Variants in GPC5 observed in about 807,000 individuals in gnomAD.
GPC5 encodes the protein glypican-5.
Under a neutral mutation model 53.9 loss-of-function variants are expected in GPC5, and 47 were observed. The observed-to-expected ratio is 0.87, with a 90% CI of 0.69 to 1.11. The LOEUF (loss-of-function observed/expected upper bound fraction) is 1.11, where lower values mean the gene tolerates loss of function less well. Among genes scored for constraint, GPC5 ranks in the 50% most tolerant of loss-of-function variants. GPC5 has a pLI of 0.00. For synonymous variants in GPC5, 286 were observed against 263.3 expected, an observed-to-expected ratio of 1.09 and a Z score of -0.84; for missense variants, 748 against 713.1, an observed-to-expected ratio of 1.05 and a Z score of -0.56.
intron 6 of GPC5, among the ~76,000 whole-genome samples, chr13:91,928,188 C>T (rs1234626093): frequency 6.6e-6 from 1 of 152,174 alleles, no homozygotes; most frequent in East Asian, 1.9e-4. Flanking sequence ...TCTCTGCATG[C>T]ATCAGCCACT....
chr13:92,002,581 A>G (rs2040565064), intron 6 of GPC5, among the ~76,000 whole-genome samples: 1 of 152,216 alleles, frequency 6.6e-6, no homozygotes, highest in Non-Finnish European at 1.5e-5. Flanking sequence ...AAGACTGGAA[A>G]CATAAGGGAT....
At chr13:92,624,088 T>C (rs1451947607) in intron 7 of GPC5, among the ~76,000 whole-genome samples, 3 of 151,278 alleles carry the variant, frequency 2.0e-5, no homozygotes, top group South Asian at 2.1e-4. Flanking sequence ...TAATTTTTTT[T>C]TTTTTAGATG....
At chr13:92,529,853 C>T (rs746165708) in intron 7 of GPC5, among the ~76,000 whole-genome samples, 9 of 152,016 alleles carry the variant, frequency 5.9e-5, no homozygotes, top group African/African-American at 2.2e-4. Flanking sequence ...GAGGCCGAGG[C>T]GGGGGCATCA....
At chr13:92,579,317 C>G (rs1416673213) in intron 7 of GPC5, among the ~76,000 whole-genome samples, 1 of 119,982 alleles carries the variant, frequency 8.3e-6, no homozygotes, top group African/African-American at 3.4e-5. Context: ...CTCCCTCCCT[C>G]CCTCCCTCTC....
At chr13:92,606,342 G>A (rs1884260556) in intron 7 of GPC5, among the ~76,000 whole-genome samples, 1 of 152,026 alleles carries the variant, frequency 6.6e-6, no homozygotes, top group Non-Finnish European at 1.5e-5. Flanking sequence ...GTGGTGTTTG[G>A]TTTTCTGTCT....
intron 1 of GPC5, among the ~76,000 whole-genome samples, chr13:91,424,138 G>A (rs1042291750): frequency 6.6e-6 from 1 of 152,114 alleles, no homozygotes; most frequent in Non-Finnish European, 1.5e-5. Context: ...TAATCAGGAA[G>A]TGGAACTCTT....
At chr13:91,711,377 T>G (rs1238477487) in intron 3 of GPC5, among the ~76,000 whole-genome samples, 1 of 152,046 alleles carries the variant, frequency 6.6e-6, no homozygotes, top group African/African-American at 2.4e-5. Context: ...ACACCTCATG[T>G]TCTCACTCAT....
intron 6 of GPC5, among the ~76,000 whole-genome samples, chr13:91,982,885 G>A (rs2040372317): frequency 6.6e-6 from 1 of 151,998 alleles, no homozygotes; most frequent in Admixed American, 6.6e-5. Context: ...TCCGAGTCAG[G>A]GTAACCTTTA....
intron 7 of GPC5, among the ~76,000 whole-genome samples, chr13:92,640,297 T>C (rs1227006072): frequency 6.6e-6 from 1 of 152,154 alleles, no homozygotes; most frequent in Non-Finnish European, 1.5e-5. Flanking sequence ...TCTTGCTCTG[T>C]CACCCAGGCT....
At chr13:92,461,439 AC>A (rs1221596696) in intron 7 of GPC5, among the ~76,000 whole-genome samples, 1 of 152,168 alleles carries the variant, frequency 6.6e-6, no homozygotes, top group East Asian at 1.9e-4. Flanking sequence ...ACTGAGAAAA[AC>A]AAATCAGGAA....
At chr13:92,078,007 G>A (rs4773661) in intron 6 of GPC5, among the ~76,000 whole-genome samples, 73,406 of 151,324 alleles carry the variant, frequency 0.49, 18,269 homozygotes, top group East Asian at 0.79. Context: ...ACAGGCATAC[G>A]TAGATACATA....
At chr13:92,519,926 A>G (rs944952025) in intron 7 of GPC5, among the ~76,000 whole-genome samples, 2 of 152,224 alleles carry the variant, frequency 1.3e-5, no homozygotes, top group African/African-American at 2.4e-5. Context: ...AATAGACGCA[A>G]TAAAAAATGA....
chr13:92,487,958 G>A (rs1045808001), intron 7 of GPC5, among the ~76,000 whole-genome samples: 3 of 152,060 alleles, frequency 2.0e-5, no homozygotes, highest in East Asian at 3.9e-4. Flanking sequence ...AGGGAATTGT[G>A]AGGATGGATG....
chr13:92,378,518 C>G (rs1281527540), intron 7 of GPC5, among the ~76,000 whole-genome samples: 2 of 152,134 alleles, frequency 1.3e-5, no homozygotes, highest in East Asian at 3.9e-4. Context: ...ACTATTTTGT[C>G]TTGAGATTAT....
At chr13:91,913,528 C>A (rs1321023531) in intron 6 of GPC5, among the ~76,000 whole-genome samples, 2 of 152,062 alleles carry the variant, frequency 1.3e-5, no homozygotes, top group Admixed American at 1.3e-4. Flanking sequence ...ATTCCCTCTT[C>A]TCCACACCCC....
chr13:91,521,106 C>A (rs185603954), intron 2 of GPC5, among the ~76,000 whole-genome samples: 2 of 152,276 alleles, frequency 1.3e-5, no homozygotes, highest in African/African-American at 4.8e-5. Flanking sequence ...TTATGTGGAA[C>A]AGGGCCAAAC....
intron 7 of GPC5, among the ~76,000 whole-genome samples, chr13:92,167,343 AT>A (rs1398028095): frequency 1.3e-5 from 2 of 152,154 alleles, no homozygotes; most frequent in Non-Finnish European, 2.9e-5. Flanking sequence ...CAAATTGTAT[AT>A]GGTTTTTAAT....
At chr13:91,738,292 T>A (rs1423304257) in intron 4 of GPC5, among the ~76,000 whole-genome samples, 1 of 151,414 alleles carries the variant, frequency 6.6e-6, no homozygotes, top group Non-Finnish European at 1.5e-5. Flanking sequence ...GTAATCAAAA[T>A]GACAAAAAGT....
Position 92,866,528 on chromosome 13 carries a change from T to A in GPC5, c.*89T>A. 1 of 1,051,492 alleles carries A rather than the reference T, an allele frequency of 9.5e-7. No homozygotes were observed. Among genetic ancestry groups the A allele is most frequent in the Non-Finnish European group, 1.3e-6 (1 of 762,282 alleles). The allele number at this position is 1,051,492 out of a possible 1,614,324, so 65.1% of individuals were successfully genotyped here. A position where few individuals can be genotyped will look rare whatever the true frequency, so the allele number is the denominator to read the frequency against. Reference sequence around the variant, plus strand: ...TGGAATAAGAGATCCTTTTTCAATGTAACAATTATATTTATGAAAAGATAT... The same window carrying A: ...TGGAATAAGAGATCCTTTTTCAATGAAACAATTATATTTATGAAAAGATAT... On this transcript the variant is annotated 3_prime_UTR_variant, in exon 8 of 8. Transcript: ENST00000377067.
Sources: gnomAD v4.1 joint callset for allele counts (sites outside exome capture counted in the v4.1 genomes callset) on GRCh38, gnomAD v4.1.1 for gene constraint, MANE v1.5 for transcripts, NCBI Gene and HGNC (gene_info 2026-07-23, HGNC 2026-07-21) for gene names.